Variants in NDUFAF2 observed in about 807,000 individuals in gnomAD.
The protein encoded by NDUFAF2 is NADH dehydrogenase [ubiquinone] 1 alpha subcomplex assembly factor 2.
A neutral mutation model predicts 22.8 loss-of-function variants in NDUFAF2; 13 were observed. The observed-to-expected ratio is 0.57, with a 90% CI of 0.37 to 0.91. The LOEUF is 0.91. NDUFAF2 is among the 40% of genes least tolerant of loss of function. The pLI is 0.01. For missense variants in NDUFAF2, 162 were observed against 195.2 expected, an observed-to-expected ratio of 0.83 and a Z score of 1.01; for synonymous variants, 53 against 64.2, an observed-to-expected ratio of 0.83 and a Z score of 0.84.
intron 3 of NDUFAF2, among the ~76,000 whole-genome samples, chr5:61,111,449 T>C (rs932012022): frequency 1.3e-5 from 2 of 151,976 alleles, no homozygotes; most frequent in African/African-American, 4.8e-5. Context: ...ATTTATTTAT[T>C]TATTTAAAAT....
chr5:60,988,349 T>A (rs908641768), intron 1 of NDUFAF2, among the ~76,000 whole-genome samples: 1 of 152,156 alleles, frequency 6.6e-6, no homozygotes, highest in East Asian at 1.9e-4. Flanking sequence ...AAAATGGCCA[T>A]ACTCCTCAAC....
intron 1 of NDUFAF2, among the ~76,000 whole-genome samples, chr5:60,979,714 G>C (rs1310234838): frequency 6.6e-6 from 1 of 152,134 alleles, no homozygotes; most frequent in Non-Finnish European, 1.5e-5. Context: ...GGCATCTCTG[G>C]ACCTGCCCAA....
At chr5:60,995,019 A>G (rs1251475226) in intron 1 of NDUFAF2, among the ~76,000 whole-genome samples, 1 of 151,884 alleles carries the variant, frequency 6.6e-6, no homozygotes, top group African/African-American at 2.4e-5. Flanking sequence ...TGCATTTTTC[A>G]TCTCCAGAAT....
At chr5:61,120,416 G>C (rs1752961707) in intron 3 of NDUFAF2, among the ~76,000 whole-genome samples, 1 of 151,996 alleles carries the variant, frequency 6.6e-6, no homozygotes. Context: ...ATTTTAGGCA[G>C]GTCTTCCTAA....
chr5:60,956,491 A>G (rs1341114585), intron 1 of NDUFAF2, among the ~76,000 whole-genome samples: 1 of 152,156 alleles, frequency 6.6e-6, no homozygotes, highest in Non-Finnish European at 1.5e-5. Flanking sequence ...GATTTGTCAT[A>G]TATGGCCTTC....
chr5:61,107,174 G>C (rs539138386), intron 3 of NDUFAF2, among the ~76,000 whole-genome samples: 1 of 150,542 alleles, frequency 6.6e-6, no homozygotes, highest in Admixed American at 6.6e-5. Context: ...CTTCTCCATG[G>C]TGGTTGTACT....
chr5:61,082,262 A>G (rs2111743975), intron 2 of NDUFAF2, among the ~76,000 whole-genome samples: 1 of 152,228 alleles, frequency 6.6e-6, no homozygotes, highest in Non-Finnish European at 1.5e-5. Context: ...AAGAGTGTAC[A>G]TATATACTTT....
chr5:61,063,526 C>T (rs927551166), intron 1 of NDUFAF2, among the ~76,000 whole-genome samples: 8 of 151,726 alleles, frequency 5.3e-5, no homozygotes, highest in African/African-American at 1.9e-4. Flanking sequence ...CAAGTCAAAA[C>T]CATCAGAAAT....
intron 3 of NDUFAF2, among the ~76,000 whole-genome samples, chr5:61,113,210 A>G (rs568004798): frequency 5.9e-5 from 9 of 152,246 alleles, no homozygotes; most frequent in African/African-American, 1.4e-4. Context: ...GAGTTTTACA[A>G]TATTCTATAT....
intron 3 of NDUFAF2, among the ~76,000 whole-genome samples, chr5:61,117,121 A>G (rs936597197): frequency 6.6e-6 from 1 of 152,186 alleles, no homozygotes; most frequent in Non-Finnish European, 1.5e-5. Flanking sequence ...AAGTTAATAT[A>G]TAGTGCCTAA....
At chr5:60,976,368 C>T (rs1467673059) in intron 1 of NDUFAF2, among the ~76,000 whole-genome samples, 1 of 151,188 alleles carries the variant, frequency 6.6e-6, no homozygotes, top group Non-Finnish European at 1.5e-5. Flanking sequence ...TTTATGTATG[C>T]CCTCAGACTC....
At chr5:61,082,834 G>A (rs1289768680) in intron 2 of NDUFAF2, among the ~76,000 whole-genome samples, 7 of 152,092 alleles carry the variant, frequency 4.6e-5, no homozygotes, top group East Asian at 1.9e-4. Context: ...ATAACCGTGC[G>A]AATGCATGTG....
chr5:61,034,368 A>G lies in NDUFAF2; in HGVS notation c.128-38757A>G, dbSNP rs1455675408. Among the ~76,000 whole-genome samples, 3 of 152,162 alleles carry G rather than the reference A, an allele frequency of 2.0e-5. No individual in the cohort carries two copies. In the East Asian group the frequency reaches 5.8e-4, roughly 29 times the overall value. Reference sequence around the variant, plus strand: ...TCCACAAACCAAATGCACCTAGGCTATAGGGTATAGCCTGTTGCCCCTGTA... The same window carrying G: ...TCCACAAACCAAATGCACCTAGGCTGTAGGGTATAGCCTGTTGCCCCTGTA... On this transcript the variant is annotated intron_variant, in intron 1 of 3. Transcript: ENST00000296597.
intron 1 of NDUFAF2, among the ~76,000 whole-genome samples, chr5:61,013,979 T>G (rs1266034167): frequency 2.6e-5 from 4 of 152,248 alleles, no homozygotes; most frequent in Non-Finnish European, 5.9e-5. Flanking sequence ...TTAATTTTTG[T>G]CTCCAGTTTC....
intron 3 of NDUFAF2, among the ~76,000 whole-genome samples, chr5:61,107,665 CTAT>C (rs56936586): frequency 1.0e-4 from 15 of 148,790 alleles, no homozygotes; most frequent in South Asian, 2.1e-4. Context: ...ATTATGATTA[CTAT>C]TATTATTATT....
chr5:61,035,422 C>CTTTTTTTT (rs1177405606), intron 1 of NDUFAF2, among the ~76,000 whole-genome samples: 1 of 62,554 alleles, frequency 1.6e-5, no homozygotes, highest in Non-Finnish European at 2.8e-5. Context: ...CTCTCTTGCT[C>CTTTTTTTT]TGTTTTTTTT....
chr5:61,102,551 A>G (rs1225051492), intron 3 of NDUFAF2, among the ~76,000 whole-genome samples: 3 of 152,178 alleles, frequency 2.0e-5, no homozygotes, highest in Non-Finnish European at 2.9e-5. Flanking sequence ...CATAAAAGCC[A>G]AACTATTGTG....
rs111538790 is a variant in NDUFAF2, at chr5:61,019,835, G to C, written c.128-53290G>C. Among the ~76,000 whole-genome samples the C allele has an allele frequency of 2.3e-3, 356 of 152,088 alleles. 8 individuals carry two copies. The highest frequency in any genetic ancestry group is 8.3e-3 in the African/African-American group (346 of 41,516). ...TCAGATTATGTTCACCTCTTAAAAA[G>C]AGCTGAATCATTTCCTTCTTTTTTT... On this transcript the variant is annotated intron_variant, in intron 1 of 3. Transcript: ENST00000296597.
intron 1 of NDUFAF2, among the ~76,000 whole-genome samples, chr5:60,961,807 A>T (rs1026059571): frequency 2.0e-5 from 3 of 151,392 alleles, no homozygotes; most frequent in Admixed American, 6.6e-5. Flanking sequence ...TTGCAACCTT[A>T]GCTAATTATT....
Sources: gnomAD v4.1 joint callset for allele counts (sites outside exome capture counted in the v4.1 genomes callset) on GRCh38, gnomAD v4.1.1 for gene constraint, MANE v1.5 for transcripts, NCBI Gene and HGNC (gene_info 2026-07-23, HGNC 2026-07-21) for gene names.